The following PACSIN2 variants were observed in gnomAD, a reference collection of about 807,000 sequenced individuals.
The protein encoded by PACSIN2 is protein kinase C and casein kinase substrate in neurons protein 2.
PACSIN2 carries 25 observed loss-of-function variants against 63.8 expected under a neutral mutation model. The ratio of observed to expected loss-of-function variants is 0.39; its 90% CI spans 0.29 to 0.55. The LOEUF (loss-of-function observed/expected upper bound fraction) is 0.55, where lower values mean the gene tolerates loss of function less well. Among genes scored for constraint, PACSIN2 ranks in the 20% least tolerant of loss-of-function variants. The pLI, the probability that PACSIN2 is intolerant of heterozygous loss-of-function variation, is 0.62. For missense variants in PACSIN2, 518 were observed against 646.9 expected, an observed-to-expected ratio of 0.80 and a Z score of 2.16; for synonymous variants, 255 against 256.2, an observed-to-expected ratio of 1.00 and a Z score of 0.05.
intron 1 of PACSIN2, among the ~76,000 whole-genome samples, chr22:42,925,217 C>T (rs981910853): frequency 3.3e-5 from 5 of 151,984 alleles, no homozygotes; most frequent in African/African-American, 9.7e-5. Context: ...CGGTGGCTCA[C>T]GTCTGTAATC....
intron 1 of PACSIN2, among the ~76,000 whole-genome samples, chr22:42,983,099 C>A (rs1922337558): frequency 6.6e-6 from 1 of 151,230 alleles, no homozygotes; most frequent in African/African-American, 2.4e-5. Flanking sequence ...GGTGGATTAC[C>A]TGAAGTCACG....
rs1246246745 is a variant in PACSIN2, at chr22:42,989,885, T to TAC, written c.-78+25134_-78+25135dup. 1.9e-3 allele frequency among the ~76,000 whole-genome samples: 257 copies of TAC among 131,810 alleles called. 1 individual carries two copies. Among genetic ancestry groups the TAC allele is most frequent in the East Asian group, 8.7e-3 (32 of 3,658 alleles). The allele number at this position is 131,810 out of a possible 152,430, so 86.5% of individuals were successfully genotyped here. A position where few individuals can be genotyped will look rare whatever the true frequency, so the allele number is the denominator to read the frequency against. On this transcript the variant is annotated intron_variant, in intron 1 of 10. Transcript: ENST00000263246. ...AAAAAAAAATATATATATATATATA[T>TAC]ACACACACACACACATATATGTATA... is the stretch of plus-strand genomic sequence containing the variant.
In PACSIN2 at chr22:42,888,720, C is replaced by T; in HGVS notation, c.532G>A (p.Ala178Thr). The change falls in exon 5 of 11, where the codon GCA becomes ACA. Residue 178 changes from alanine to threonine, a missense_variant. Ala to Thr is a moderately conservative substitution (Grantham distance 58, BLOSUM62 0). Around this residue, in one of 2 missense-constraint regions of PACSIN2, gnomAD observed 507 missense variants for 612.3 expected, o/e 0.83. Coordinates refer to ENST00000263246, the MANE Select transcript of PACSIN2 (RefSeq NM_001184970.3). ...LAISREANSK[A>T]DPSLNPEQLK... The stretch of plus-strand genomic sequence containing the variant: ...TGTTCAGGGTTGAGGGATGGGTCTG[C>T]CTTGCTGTTGGCTTCTCGTGAGATA... 6.2e-7 allele frequency: 1 copy of T among 1,614,122 alleles called. No homozygotes were observed. The highest frequency in any genetic ancestry group is 8.5e-7 in the Non-Finnish European group (1 of 1,180,000).
chr22:42,956,504 A>C (rs73886189), intron 1 of PACSIN2, among the ~76,000 whole-genome samples: 2,055 of 152,310 alleles, frequency 0.013, 49 homozygotes, highest in African/African-American at 0.047. Context: ...TCATTCATTC[A>C]TTCATTCATT....
chr22:42,987,927 G>A (rs1922752219), intron 1 of PACSIN2, among the ~76,000 whole-genome samples: 1 of 152,084 alleles, frequency 6.6e-6, no homozygotes, highest in African/African-American at 2.4e-5. Flanking sequence ...GATCACTTGA[G>A]GTCAGGAGTT....
intron 3 of PACSIN2, among the ~76,000 whole-genome samples, chr22:42,892,944 A>G (rs1319845537): frequency 6.6e-6 from 1 of 152,148 alleles, no homozygotes; most frequent in Non-Finnish European, 1.5e-5. Flanking sequence ...GGCACTAATA[A>G]AGCTACAGAA....
At chr22:42,887,427 A>G (rs576607032) in intron 5 of PACSIN2, among the ~76,000 whole-genome samples, 2 of 152,104 alleles carry the variant, frequency 1.3e-5, no homozygotes, top group African/African-American at 2.4e-5. Context: ...GGATGCCACC[A>G]CCTAACTGAC....
intron 1 of PACSIN2, among the ~76,000 whole-genome samples, chr22:42,969,100 G>A (rs916531054): frequency 6.0e-5 from 9 of 150,770 alleles, no homozygotes; most frequent in Non-Finnish European, 1.0e-4. Flanking sequence ...ATACAGCCAC[G>A]TAGTAAGTAT....
Position 43,015,038 on chromosome 22 carries a change from A to T in PACSIN2, c.-95T>A, listed in dbSNP as rs1404493058. 2.0e-5 allele frequency: 3 copies of T among 151,256 alleles called. No individual in the cohort carries two copies. The highest frequency in any genetic ancestry group is 6.6e-5 in the Admixed American group (1 of 15,210). The allele number at this position is 151,256 out of a possible 1,614,324, so 9.4% of individuals were successfully genotyped here. A position where few individuals can be genotyped will look rare whatever the true frequency, so the allele number is the denominator to read the frequency against. On this transcript the variant is annotated 5_prime_UTR_variant, in exon 1 of 11. Coordinates refer to ENST00000263246, the MANE Select transcript of PACSIN2 (RefSeq NM_001184970.3). Reference sequence around the variant, plus strand: ...CCACTCACCTCCCAATCCGTCGCACACTCCGTTCAGGCTGCCACGGCGTCT... The same window carrying T: ...CCACTCACCTCCCAATCCGTCGCACTCTCCGTTCAGGCTGCCACGGCGTCT...
chr22:42,979,673 G>A (rs1476584386), intron 1 of PACSIN2, among the ~76,000 whole-genome samples: 1 of 152,138 alleles, frequency 6.6e-6, no homozygotes, highest in African/African-American at 2.4e-5. Flanking sequence ...CCTTCCTCCT[G>A]GGAGTATATG....
intron 9 of PACSIN2, among the ~76,000 whole-genome samples, chr22:42,876,631 C>T (rs964052327): frequency 6.6e-6 from 1 of 152,214 alleles, no homozygotes. Flanking sequence ...CATGGTGCTG[C>T]TAGGGCCTTG....
intron 1 of PACSIN2, among the ~76,000 whole-genome samples, chr22:43,003,607 T>C (rs1923906928): frequency 6.6e-6 from 1 of 152,060 alleles, no homozygotes; most frequent in Non-Finnish European, 1.5e-5. Context: ...TGTCTCAAAA[T>C]AAAACAAAAC....
intron 1 of PACSIN2, among the ~76,000 whole-genome samples, chr22:42,961,885 A>G (rs989819731): frequency 1.3e-5 from 2 of 152,186 alleles, no homozygotes; most frequent in Non-Finnish European, 2.9e-5. Context: ...TACTTGAGAA[A>G]TTATTTACCA....
At chr22:43,014,917 G>A (rs1402996003) in intron 1 of PACSIN2, 104 bp downstream of exon 1, 1 of 149,542 alleles carries the variant, frequency 6.7e-6, no homozygotes, top group Non-Finnish European at 1.5e-5. Flanking sequence ...AGCTCGGCGC[G>A]GCGGCCCTGA....
At chr22:42,881,302 G>A (rs113912148) in intron 7 of PACSIN2, among the ~76,000 whole-genome samples, 6 of 152,302 alleles carry the variant, frequency 3.9e-5, no homozygotes, top group African/African-American at 1.2e-4. Context: ...AACAGCCCCC[G>A]ACAGGAGATG....
At chr22:42,922,942 G>C (rs2092212) in intron 1 of PACSIN2, among the ~76,000 whole-genome samples, 65,106 of 151,866 alleles carry the variant, frequency 0.43, 14,573 homozygotes, top group Non-Finnish European at 0.48. Flanking sequence ...TAGAATGCGA[G>C]CTCTCTGAGG....
chr22:43,000,439 T>C (rs5759081), intron 1 of PACSIN2, among the ~76,000 whole-genome samples: 57,048 of 152,088 alleles, frequency 0.38, 11,471 homozygotes, highest in Non-Finnish European at 0.45. Flanking sequence ...CATGAGGCTT[T>C]TGGAGGGTTT....
intron 1 of PACSIN2, among the ~76,000 whole-genome samples, chr22:42,925,014 G>C (rs1932446569): frequency 6.6e-6 from 1 of 151,590 alleles, no homozygotes; most frequent in African/African-American, 2.4e-5. Context: ...AAAGTGCTGG[G>C]ATCACAGGCG....
At chr22:42,999,035 T>C (rs1269294221) in intron 1 of PACSIN2, among the ~76,000 whole-genome samples, 3 of 152,180 alleles carry the variant, frequency 2.0e-5, no homozygotes, top group Non-Finnish European at 2.9e-5. Context: ...TTCAAGTCCA[T>C]GTGACCTGAT....
Sources: allele counts gnomAD v4.1 joint callset (sites outside exome capture counted in the v4.1 genomes callset), GRCh38; gene constraint gnomAD v4.1.1; regional missense constraint gnomAD v4.1.1; transcripts MANE v1.5; gene names NCBI Gene and HGNC (gene_info 2026-07-23, HGNC 2026-07-21).